The following LRRIQ1 variants were observed in gnomAD, a reference collection of about 807,000 sequenced individuals.
The protein encoded by LRRIQ1 is leucine rich repeats and IQ motif containing 1.
A neutral mutation model predicts 211.9 loss-of-function variants in LRRIQ1; 210 were observed. The observed-to-expected ratio is 0.99, with a 90% CI of 0.89 to 1.11. The LOEUF (loss-of-function observed/expected upper bound fraction) is 1.11, where lower values mean the gene tolerates loss of function less well. Among genes scored for constraint, LRRIQ1 ranks in the 50% most tolerant of loss-of-function variants. LRRIQ1 has a pLI of 0.00. For missense variants in LRRIQ1, 2,136 were observed against 1,939.5 expected, an observed-to-expected ratio of 1.10 and a Z score of -1.90; for synonymous variants, 699 against 650.1, an observed-to-expected ratio of 1.08 and a Z score of -1.14.
At chr12:85,229,765 C>T (rs535351209) in intron 25 of LRRIQ1, 116 bp downstream of exon 25, 21 of 963,012 alleles carry the variant, frequency 2.2e-5, no homozygotes, top group Non-Finnish European at 2.8e-5. Context: ...CAATACGCTA[C>T]GTTGCCGGGT....
intron 24 of LRRIQ1, among the ~76,000 whole-genome samples, chr12:85,198,857 C>T (rs942303544): frequency 3.9e-5 from 6 of 151,948 alleles, no homozygotes; most frequent in African/African-American, 7.2e-5. Flanking sequence ...TGTGAGACAC[C>T]GCACCCGGCC....
intron 1 of LRRIQ1, among the ~76,000 whole-genome samples, chr12:85,258,196 G>T (rs1241248067): frequency 2.6e-5 from 4 of 151,190 alleles, no homozygotes; most frequent in African/African-American, 9.7e-5. Flanking sequence ...AAAACATTTT[G>T]ATTATTAACA....
chr12:85,186,859 G>A lies in LRRIQ1; in HGVS notation c.4822+26145G>A, dbSNP rs1438236303. On this transcript the variant is annotated intron_variant, in intron 24 of 26. Transcript: ENST00000393217. The stretch of plus-strand genomic sequence containing the variant: ...TTAATCCTACAATATCTAGTATAAA[G>A]AGAGTTGATGTAGAGAAGTAGCATG... Among the ~76,000 whole-genome samples the A allele has an allele frequency of 1.3e-5, 2 of 151,858 alleles. 1 individual carries two copies. The highest frequency in any genetic ancestry group is 4.8e-5 in the African/African-American group (2 of 41,332).
At chr12:85,173,709 C>T in intron 24 of LRRIQ1, among the ~76,000 whole-genome samples, 1 of 151,756 alleles carries the variant, frequency 6.6e-6, no homozygotes, top group East Asian at 1.9e-4. Flanking sequence ...TCTTATAGGA[C>T]CAGTAATTCC....
intron 15 of LRRIQ1, among the ~76,000 whole-genome samples, chr12:85,109,070 G>C (rs1451867124): frequency 2.6e-5 from 4 of 152,096 alleles, no homozygotes; most frequent in African/African-American, 9.7e-5. Flanking sequence ...GCCATGTCCA[G>C]GAAGATCCTG....
intron 1 of LRRIQ1, among the ~76,000 whole-genome samples, chr12:85,252,688 G>A (rs1452351574): frequency 6.6e-6 from 1 of 151,608 alleles, no homozygotes; most frequent in Non-Finnish European, 1.5e-5. Flanking sequence ...AATAACAACA[G>A]TATATGTTTT....
At chr12:85,165,256 C>A (rs1891093771) in intron 24 of LRRIQ1, among the ~76,000 whole-genome samples, 1 of 151,966 alleles carries the variant, frequency 6.6e-6, no homozygotes, top group Admixed American at 6.6e-5. Context: ...AGCATAGTAA[C>A]AAACAGGTAC....
chr12:85,046,098 A>C lies in LRRIQ1; in HGVS notation c.415A>C (p.Ser139Arg). The change falls in exon 5 of 27, where the codon AGT becomes CGT. Residue 139 changes from serine (S) to arginine (R), a missense_variant. Ser to Arg is a moderately radical substitution (Grantham distance 110, BLOSUM62 -1). Transcript: ENST00000393217. ...CACTCCTGATTTTGTTCCTGAGCCT[A>C]GTCCTCATGACTTGCCTATGGATGA... ...CATPDFVPEP[S>R]PHDLPMDEHV... The C allele has an allele frequency of 6.2e-7, 1 of 1,610,616 alleles. No individual in the cohort carries two copies. The highest frequency in any genetic ancestry group is 8.5e-7 in the Non-Finnish European group (1 of 1,177,698).
At chr12:85,097,406 C>G (rs890446053) in intron 11 of LRRIQ1, among the ~76,000 whole-genome samples, 17 of 151,796 alleles carry the variant, frequency 1.1e-4, no homozygotes, top group Non-Finnish European at 2.9e-5. Flanking sequence ...GTGCCCTCCC[C>G]CCTCACCCCA....
At chr12:85,231,766 C>T (rs1037222097) in intron 25 of LRRIQ1, among the ~76,000 whole-genome samples, 1 of 152,150 alleles carries the variant, frequency 6.6e-6, no homozygotes, top group African/African-American at 2.4e-5. Flanking sequence ...AGAACGAACT[C>T]ACTGCAAGAA....
chr12:85,036,396 C>G lies in LRRIQ1; in HGVS notation c.-36C>G, dbSNP rs1289355147. ...GTCTTACAACAAAGCCAAGGAATCT[C>G]GCTGCTGAGGGGTGAGCCGGGGTCT... is the stretch of plus-strand genomic sequence containing the variant. On this transcript the variant is annotated 5_prime_UTR_variant, in exon 1 of 27. Coordinates refer to ENST00000393217, the MANE Select transcript of LRRIQ1 (RefSeq NM_001079910.2). The G allele has an allele frequency of 6.6e-6, 1 of 152,196 alleles. No individual in the cohort carries two copies. Among genetic ancestry groups the G allele is most frequent in the Non-Finnish European group, 1.5e-5 (1 of 68,112 alleles). 9.4% of individuals were successfully genotyped at this position (152,196 alleles called of 1,614,324 possible).
chr12:85,047,182 C>A (rs1388648298), intron 5 of LRRIQ1, 65 bp from the exon 6 acceptor site: 2 of 1,217,300 alleles, frequency 1.6e-6, no homozygotes, highest in African/African-American at 1.5e-5. Flanking sequence ...TACTTTTATA[C>A]TTTGAATTAG....
chr12:85,138,576 G>A (rs983021802), intron 19 of LRRIQ1, among the ~76,000 whole-genome samples: 2 of 151,356 alleles, frequency 1.3e-5, no homozygotes, highest in Non-Finnish European at 3.0e-5. Flanking sequence ...AAGTTTCTCA[G>A]GACATAAAAT....
intron 11 of LRRIQ1, chr12:85,076,476 T>C: frequency 4.4e-6 from 1 of 228,092 alleles, no homozygotes; most frequent in Non-Finnish European, 7.3e-6. Flanking sequence ...TGCCAATTTA[T>C]AAATTTCACA....
rs777656386 is a variant in LRRIQ1, at chr12:85,256,081, C to G, written c.122-6834C>G. ...AATTATTCCAGGCACAGTTAAATATCACAGTTATTAGTAACTACAGAATAA... is the reference window on the plus strand; with the variant it reads ...AATTATTCCAGGCACAGTTAAATATGACAGTTATTAGTAACTACAGAATAA... On this transcript the variant is annotated intron_variant, in intron 1 of 1. Transcript: ENST00000602731. 3.3e-5 allele frequency among the ~76,000 whole-genome samples: 5 copies of G among 151,738 alleles called. No individual in the cohort carries two copies. In the South Asian group the frequency reaches 6.2e-4, roughly 19 times the overall value.
intron 8 of LRRIQ1, among the ~76,000 whole-genome samples, chr12:85,059,353 A>G (rs1034477883): frequency 6.6e-6 from 1 of 152,044 alleles, no homozygotes; most frequent in Non-Finnish European, 1.5e-5. Context: ...TCAAGTTACA[A>G]TGAAGTTACA....
At chr12:85,090,865 G>A (rs888048246) in intron 11 of LRRIQ1, among the ~76,000 whole-genome samples, 1 of 152,124 alleles carries the variant, frequency 6.6e-6, no homozygotes, top group African/African-American at 2.4e-5. Context: ...TTGGGAGGGG[G>A]CAGGGGTGGA....
At chr12:85,092,799 G>A (rs143018718) in intron 11 of LRRIQ1, among the ~76,000 whole-genome samples, 20 of 152,126 alleles carry the variant, frequency 1.3e-4, no homozygotes, top group Admixed American at 3.3e-4. Context: ...ACGTGCCTGC[G>A]CCGACGGCAT....
chr12:85,202,351 C>T (rs1000713842), intron 24 of LRRIQ1, among the ~76,000 whole-genome samples: 39 of 151,978 alleles, frequency 2.6e-4, no homozygotes, highest in African/African-American at 9.2e-4. Context: ...TTGTTTTCTG[C>T]CTTAACGATC....
Sources: allele counts gnomAD v4.1 joint callset (sites outside exome capture counted in the v4.1 genomes callset), GRCh38; gene constraint gnomAD v4.1.1; transcripts MANE v1.5; gene names NCBI Gene and HGNC (gene_info 2026-07-23, HGNC 2026-07-21).